USP34: variants seen among roughly 807,000 people sequenced by gnomAD.
The protein encoded by USP34 is ubiquitin specific peptidase 34, also known as ubiquitin carboxyl-terminal hydrolase 34.
A neutral mutation model predicts 460.3 loss-of-function variants in USP34; 70 were observed. The observed-to-expected ratio is 0.15, with a 90% confidence interval of 0.13 to 0.19. The LOEUF (loss-of-function observed/expected upper bound fraction) is 0.19, where lower values mean the gene tolerates loss of function less well. Ranked by LOEUF, USP34 falls within the 10% of genes least tolerant of loss-of-function variation. USP34 has a pLI of 1.00. For missense variants in USP34, 3,985 were observed against 4,236.2 expected, an observed-to-expected ratio of 0.94 and a Z score of 1.65; for synonymous variants, 1,647 against 1,405.3, an observed-to-expected ratio of 1.17 and a Z score of -3.85.
At chr2:61,274,811 C>A (rs1044557517) in intron 41 of USP34, among the ~76,000 whole-genome samples, 6 of 152,244 alleles carry the variant, frequency 3.9e-5, no homozygotes, top group Admixed American at 3.3e-4. Flanking sequence ...TTTAACATAA[C>A]CAAAACTATA....
rs1485278939 is a variant in USP34 at position 61,241,341 on chromosome 2, C to T, written c.6777+219G>A. Reference sequence around the variant, plus strand: ...ACAGGCATGAATCACCACACCCAGTCGCCTACTCTCTTTTAGTGATATTTT... The same window carrying T: ...ACAGGCATGAATCACCACACCCAGTTGCCTACTCTCTTTTAGTGATATTTT... On this transcript the variant is annotated intron_variant, in intron 53 of 79. Coordinates refer to ENST00000398571, the MANE Select transcript of USP34 (RefSeq NM_014709.4). Among the ~76,000 whole-genome samples the T allele has an allele frequency of 2.6e-5, 4 of 152,172 alleles. No individual in the cohort carries two copies. The East Asian group carries it at 5.8e-4, about 22-fold the overall frequency.
At chr2:61,417,583 G>T (rs1178640575) in intron 2 of USP34, among the ~76,000 whole-genome samples, 3 of 151,906 alleles carry the variant, frequency 2.0e-5, no homozygotes, top group East Asian at 3.9e-4. Flanking sequence ...AAAAGAAGTT[G>T]TAAGCTGTCG....
Position 61,311,683 on chromosome 2 carries a change from G to C in USP34, c.3674C>G (p.Thr1225Ser), listed in dbSNP as rs375290070. The change falls in exon 27 of 80, where the codon ACT becomes AGT. Residue 1225 changes from threonine (T) to serine (S), a missense_variant. Thr to Ser is a moderately conservative substitution (Grantham distance 58). Around this residue, in one of 14 missense-constraint regions of USP34, gnomAD observed 1,114 missense variants for 1,122.5 expected, o/e 0.99. Coordinates refer to ENST00000398571, the MANE Select transcript of USP34 (RefSeq NM_014709.4). ...CTGGTCACTAGGATACATTTCAATA[G>C]TCATCTGAAATATGAGATGCAACCA... ...CQPAGLPDKMTIEMYPSDQVA... is the reference protein window; with the variant it reads ...CQPAGLPDKMSIEMYPSDQVA... 3.8e-5 allele frequency: 62 copies of C among 1,610,616 alleles called. No homozygotes were observed. Among genetic ancestry groups the C allele is most frequent in the Non-Finnish European group, 5.2e-5 (61 of 1,178,944 alleles).
chr2:61,206,307 TAAAG>T (rs1038988103), intron 71 of USP34, among the ~76,000 whole-genome samples, 183 bp from the exon 72 acceptor site: 1 of 152,236 alleles, frequency 6.6e-6, no homozygotes, highest in African/African-American at 2.4e-5. Flanking sequence ...CTAGATTTCT[TAAAG>T]AACATATTTC....
chr2:61,248,435 C>T lies in USP34; in HGVS notation c.6394+76G>A, dbSNP rs888798631. On this transcript the variant is annotated intron_variant, in intron 49 of 79. Coordinates refer to ENST00000398571, the MANE Select transcript of USP34 (RefSeq NM_014709.4). ...TTTTTGTTAACTGTGTAGTTGATGA[C>T]AACTTTATAATTATGCCTACCTTGT... 6 of 1,437,366 alleles carry T rather than the reference C, an allele frequency of 4.2e-6. No individual in the cohort carries two copies. In the African/African-American group the frequency reaches 7.1e-5, roughly 17 times the overall value. The allele number at this position is 1,437,366 out of a possible 1,614,324, so 89.0% of individuals were successfully genotyped here.
At chr2:61,291,137 G>A (rs1359492298) in intron 33 of USP34, among the ~76,000 whole-genome samples, 2 of 152,094 alleles carry the variant, frequency 1.3e-5, no homozygotes, top group South Asian at 2.1e-4. Flanking sequence ...TTAAAAGTGG[G>A]CAATGGATGT....
At chr2:61,396,630 A>G (rs961768364) in intron 3 of USP34, among the ~76,000 whole-genome samples, 1 of 151,820 alleles carries the variant, frequency 6.6e-6, no homozygotes, top group African/African-American at 2.4e-5. Context: ...CCGGGATTAC[A>G]GGCGCCCACC....
intron 27 of USP34, among the ~76,000 whole-genome samples, chr2:61,309,779 T>G (rs1444610002): frequency 6.6e-6 from 1 of 152,184 alleles, no homozygotes; most frequent in Non-Finnish European, 1.5e-5. Context: ...CTGTTGGATA[T>G]TCCAGTATTT....
intron 29 of USP34, 135 bp downstream of exon 29, chr2:61,300,816 A>T (rs1233460837): frequency 1.6e-6 from 1 of 642,712 alleles, no homozygotes; most frequent in Non-Finnish European, 2.4e-6. Context: ...AACAAAAAAA[A>T]AATGAACAAA....
chr2:61,284,743 G>A (rs919587810), intron 35 of USP34, 132 bp downstream of exon 35: 9 of 613,346 alleles, frequency 1.5e-5, no homozygotes, highest in Admixed American at 3.2e-5. Context: ...AAATTTGGAT[G>A]GAAGGTATGA....
At chr2:61,248,865 T>C (rs539809787) in intron 48 of USP34, among the ~76,000 whole-genome samples, 182 bp from the exon 49 acceptor site, 6 of 152,208 alleles carry the variant, frequency 3.9e-5, no homozygotes, top group African/African-American at 9.7e-5. Flanking sequence ...GAGGACAGTA[T>C]CAAACTCTAT....
At chr2:61,240,793 C>G (rs569550406) in intron 53 of USP34, among the ~76,000 whole-genome samples, 87 of 151,930 alleles carry the variant, frequency 5.7e-4, no homozygotes, top group Admixed American at 1.2e-3. Context: ...AGGTTGGTCT[C>G]AAACTCCTGG....
intron 58 of USP34, among the ~76,000 whole-genome samples, chr2:61,231,942 G>A (rs888684760): frequency 2.6e-5 from 4 of 150,984 alleles, no homozygotes; most frequent in Non-Finnish European, 5.9e-5. Context: ...AGTGGCATAC[G>A]TCAACTAAGT....
At chr2:61,201,722 A>G (rs1159914701) in intron 75 of USP34, among the ~76,000 whole-genome samples, 1 of 152,202 alleles carries the variant, frequency 6.6e-6, no homozygotes, top group Non-Finnish European at 1.5e-5. Flanking sequence ...AGACAACCCA[A>G]AACAGGGTAG....
At chr2:61,297,047 AGT>A (rs1690051713) in intron 29 of USP34, 122 bp from the exon 30 acceptor site, 3 of 1,294,376 alleles carry the variant, frequency 2.3e-6, no homozygotes, top group Non-Finnish European at 3.2e-6. Context: ...CTTTTTGAAA[AGT>A]GAGAAATGAA....
chr2:61,326,102 A>C (rs1691080001), intron 20 of USP34, among the ~76,000 whole-genome samples: 1 of 152,114 alleles, frequency 6.6e-6, no homozygotes, highest in South Asian at 2.1e-4. Flanking sequence ...CAAAGTCAGA[A>C]AGAAGAGATA....
intron 33 of USP34, among the ~76,000 whole-genome samples, chr2:61,291,654 T>C (rs1008023198): frequency 1.3e-5 from 2 of 152,136 alleles, no homozygotes; most frequent in African/African-American, 2.4e-5. Context: ...AACAGACACA[T>C]GAAAAGCTGC....
chr2:61,388,283 C>T (rs770830897), intron 5 of USP34, among the ~76,000 whole-genome samples: 1 of 151,906 alleles, frequency 6.6e-6, no homozygotes, highest in Non-Finnish European at 1.5e-5. Context: ...ACTATAAATC[C>T]ATTAGAAATC....
At chr2:61,228,468 CT>C (rs1344720788) in intron 61 of USP34, among the ~76,000 whole-genome samples, 176 bp downstream of exon 61, 1 of 152,182 alleles carries the variant, frequency 6.6e-6, no homozygotes, top group East Asian at 1.9e-4. Flanking sequence ...TTGTTTCTTT[CT>C]TGCTATATCC....
Sources: gnomAD v4.1 joint callset for allele counts (sites outside exome capture counted in the v4.1 genomes callset) on GRCh38, gnomAD v4.1.1 for gene constraint, gnomAD v4.1.1 regional missense constraint, MANE v1.5 for transcripts, NCBI Gene and HGNC (gene_info 2026-07-23, HGNC 2026-07-21) for gene names.